The following ACTR2 variants were observed in gnomAD, a reference collection of about 807,000 sequenced individuals.
ACTR2 encodes the protein actin-related protein 2.
Under a neutral mutation model 50.2 loss-of-function variants are expected in ACTR2, and 5 were observed. That is an observed-to-expected ratio of 0.10 (90% CI 0.05 to 0.21). The LOEUF is 0.21. Among genes scored for constraint, ACTR2 ranks in the 10% least tolerant of loss-of-function variants. ACTR2 has a pLI of 1.00. For missense variants in ACTR2, 180 were observed against 480.6 expected (o/e 0.37, Z 5.85); for synonymous variants, 140 against 162.9 (o/e 0.86, Z 1.07).
chr2:65,260,393 C>A (rs181677973), intron 6 of ACTR2, among the ~76,000 whole-genome samples: 34 of 152,222 alleles, frequency 2.2e-4, no homozygotes, highest in African/African-American at 5.5e-4. Flanking sequence ...GTAATCCGAG[C>A]TACTCAGGAG....
intron 1 of ACTR2, among the ~76,000 whole-genome samples, chr2:65,238,899 C>A (rs1305798661): frequency 6.6e-6 from 1 of 151,118 alleles, no homozygotes; most frequent in South Asian, 2.1e-4. Flanking sequence ...ACCTGGGAGG[C>A]AGAGGTTGCA....
At chr2:65,228,754 T>G (rs186996143) in intron 1 of ACTR2, among the ~76,000 whole-genome samples, 1 of 152,264 alleles carries the variant, frequency 6.6e-6, no homozygotes, top group African/African-American at 2.4e-5. Flanking sequence ...AATGTTAGCC[T>G]TTAAGATTCA....
chr2:65,255,435 T>G, intron 5 of ACTR2, 110 bp from the exon 6 acceptor site: 2 of 894,632 alleles, frequency 2.2e-6, no homozygotes, highest in Non-Finnish European at 1.6e-6. Flanking sequence ...GAGGATCCAC[T>G]GCCCATTCTG....
intron 4 of ACTR2, among the ~76,000 whole-genome samples, chr2:65,252,250 T>A (rs536812367): frequency 1.3e-3 from 190 of 151,966 alleles, no homozygotes; most frequent in African/African-American, 4.4e-3. Context: ...TTTTTTGCAA[T>A]GGAAATCCTC....
At chr2:65,258,409 CTACAAAAAAAA>C (rs980715515) in intron 6 of ACTR2, among the ~76,000 whole-genome samples, 9 of 151,834 alleles carry the variant, frequency 5.9e-5, no homozygotes, top group Admixed American at 2.0e-4. Flanking sequence ...GACCCTGTCT[CTACAAAAAAAA>C]TACAAAAATT....
At chr2:65,254,458 T>G (rs1672110352) in intron 5 of ACTR2, among the ~76,000 whole-genome samples, 1 of 152,224 alleles carries the variant, frequency 6.6e-6, no homozygotes, top group Non-Finnish European at 1.5e-5. Context: ...AAAACATTAC[T>G]GGAGAAAGTA....
rs1189641804 is a variant in ACTR2, at chr2:65,269,916, T to C, written c.*1182T>C. 1 of 152,194 alleles carries C rather than the reference T, an allele frequency of 6.6e-6. No individual in the cohort carries two copies. The highest frequency in any genetic ancestry group is 6.5e-5 in the Admixed American group (1 of 15,286). 9.4% of individuals were successfully genotyped at this position (152,194 alleles called of 1,614,324 possible). A position where few individuals can be genotyped will look rare whatever the true frequency, so the allele number is the denominator to read the frequency against. On this transcript the variant is annotated 3_prime_UTR_variant, in exon 9 of 9. Coordinates refer to ENST00000260641, the MANE Select transcript of ACTR2 (RefSeq NM_005722.4). ...AAATGTTGGCCAAAAAAATCAAGAT[T>C]TAATTTTTTTATTTGTACTGAAAAA... is the stretch of plus-strand genomic sequence containing the variant.
chr2:65,228,211 GGA>G (rs2103974208), intron 1 of ACTR2: 1 of 386,366 alleles, frequency 2.6e-6, no homozygotes, highest in East Asian at 4.0e-5. Flanking sequence ...CACTGGACAT[GGA>G]GCCTACTGAC....
chr2:65,234,718 G>T (rs1391648271), intron 1 of ACTR2, among the ~76,000 whole-genome samples: 1 of 152,124 alleles, frequency 6.6e-6, no homozygotes, highest in African/African-American at 2.4e-5. Flanking sequence ...TCCATCCCAG[G>T]CTCCTCCTGC....
chr2:65,253,925 A>G, intron 5 of ACTR2, 61 bp downstream of exon 5: 4 of 1,420,052 alleles, frequency 2.8e-6, no homozygotes, highest in Non-Finnish European at 3.9e-6. Context: ...ACCTTAACAC[A>G]GAATTGAATC....
chr2:65,229,547 G>C (rs925467203), intron 1 of ACTR2, among the ~76,000 whole-genome samples: 2 of 152,034 alleles, frequency 1.3e-5, no homozygotes, highest in African/African-American at 4.8e-5. Flanking sequence ...CCTGAAGTCA[G>C]GAGTTTGAGA....
intron 1 of ACTR2, among the ~76,000 whole-genome samples, chr2:65,229,642 G>A (rs576777448): frequency 6.0e-5 from 9 of 150,876 alleles, no homozygotes; most frequent in African/African-American, 2.0e-4. Flanking sequence ...TGTAATCCCA[G>A]CTACTCGGTA....
At chr2:65,255,122 A>G (rs1672125314) in intron 5 of ACTR2, among the ~76,000 whole-genome samples, 1 of 152,248 alleles carries the variant, frequency 6.6e-6, no homozygotes, top group Admixed American at 6.5e-5. Context: ...CAGACACAGT[A>G]CTAGAAGCTA....
Position 65,228,987 on chromosome 2 carries a change from G to A in ACTR2, c.48+1030G>A, listed in dbSNP as rs937829237. 2.0e-5 allele frequency among the ~76,000 whole-genome samples: 3 copies of A among 152,066 alleles called. No homozygotes were observed. The East Asian group carries it at 5.8e-4, about 29-fold the overall frequency. On this transcript the variant is annotated intron_variant, in intron 1 of 8. Coordinates refer to ENST00000260641, the MANE Select transcript of ACTR2 (RefSeq NM_005722.4). The stretch of plus-strand genomic sequence containing the variant: ...CCCAGCTACTTGGGAGGCTGAGGCA[G>A]GAGAATCCCTTGAAGCCAGGAAGCG...
rs1244626280 is a variant in ACTR2 at position 65,268,626 on chromosome 2, A to G, written c.1077A>G (p.Ala359=). The change falls in exon 9 of 9, where the codon GCA becomes GCG. Residue 359 remains alanine (A), a synonymous_variant. Transcript: ENST00000260641. ...RRKHMVFLGG[A]VLADIMKDKD... is the part of the protein sequence containing the mutation. ...AGCACATGGTATTCCTGGGTGGTGC[A>G]GTTCTAGCGGATATCATGAAAGACA... 1.2e-6 allele frequency: 2 copies of G among 1,614,186 alleles called. No individual in the cohort carries two copies. The highest frequency in any genetic ancestry group is 1.7e-5 in the Admixed American group (1 of 60,024).
chr2:65,250,932 T>G, intron 3 of ACTR2, 95 bp from the exon 4 acceptor site: 1 of 725,910 alleles, frequency 1.4e-6, no homozygotes, highest in Non-Finnish European at 2.2e-6. Flanking sequence ...GATTCTATTT[T>G]GGGCAATTAA....
At chr2:65,229,489 C>T (rs1335041771) in intron 1 of ACTR2, among the ~76,000 whole-genome samples, 2 of 151,878 alleles carry the variant, frequency 1.3e-5, no homozygotes, top group African/African-American at 2.4e-5. Context: ...GGCGCGGTGG[C>T]TCATGCCTGT....
chr2:65,270,442 T>G lies in ACTR2; in HGVS notation c.*1708T>G, dbSNP rs1291440976. 1 of 152,662 alleles carries G rather than the reference T, an allele frequency of 6.6e-6. No homozygotes were observed. The highest frequency in any genetic ancestry group is 1.5e-5 in the Non-Finnish European group (1 of 68,046). 9.5% of individuals were successfully genotyped at this position (152,662 alleles called of 1,614,324 possible). ...GCTGGACATGCCTCAGAACCCTGAA[T>G]AGCCCGTACTAGATCTTGGGAACAT... On this transcript the variant is annotated 3_prime_UTR_variant, in exon 9 of 9. Transcript: ENST00000260641.
chr2:65,246,658 T>A lies in ACTR2; in HGVS notation c.294T>A (p.Leu98=). Residue 98 remains leucine, a synonymous_variant, in exon 3 of 9, where the codon CTT becomes CTA. Transcript: ENST00000260641. ...LWDYTFGPEK[L]NIDTRNCKIL... The stretch of plus-strand genomic sequence containing the variant: ...ACTACACATTTGGACCAGAGAAACT[T>A]AATATAGATACCAGAAATTGTAAAA... 1 of 1,613,536 alleles carries A rather than the reference T, an allele frequency of 6.2e-7. No homozygotes were observed. The highest frequency in any genetic ancestry group is 8.5e-7 in the Non-Finnish European group (1 of 1,179,752).
Sources: allele counts gnomAD v4.1 joint callset (sites outside exome capture counted in the v4.1 genomes callset), GRCh38; gene constraint gnomAD v4.1.1; transcripts MANE v1.5; gene names NCBI Gene and HGNC (gene_info 2026-07-23, HGNC 2026-07-21).